CRISPLD1: variants seen among roughly 807,000 people sequenced by gnomAD.
CRISPLD1 encodes cysteine-rich secretory protein LCCL domain-containing 1.
A neutral mutation model predicts 77.5 loss-of-function variants in CRISPLD1; 60 were observed. The ratio of observed to expected loss-of-function variants is 0.77; its 90% CI spans 0.63 to 0.96. The LOEUF (loss-of-function observed/expected upper bound fraction) is 0.96. Ranked by LOEUF, CRISPLD1 falls within the 40% of genes least tolerant of loss-of-function variation. The pLI, the probability that CRISPLD1 is intolerant of heterozygous loss-of-function variation, is 0.00. For synonymous variants in CRISPLD1, 195 were observed against 200.1 expected (o/e 0.97, Z 0.22); for missense variants, 623 against 615.8 (o/e 1.01, Z -0.12).
chr8:75,017,284 T>C, intron 9 of CRISPLD1, 36 bp from the exon 10 acceptor site: 1 of 1,602,242 alleles, frequency 6.2e-7, no homozygotes, highest in Non-Finnish European at 8.5e-7. Flanking sequence ...AACTCTAATA[T>C]TTTTAACATC....
intron 12 of CRISPLD1, 51 bp from the exon 13 acceptor site, chr8:75,025,495 A>G (rs1813215843): frequency 5.5e-6 from 4 of 725,432 alleles, no homozygotes; most frequent in Non-Finnish European, 4.0e-6. Flanking sequence ...AATAAGAAAG[A>G]CTTAAGTAAC....
chr8:75,029,962 G>T (rs1813304464), intron 14 of CRISPLD1, among the ~76,000 whole-genome samples: 1 of 151,996 alleles, frequency 6.6e-6, no homozygotes, highest in Non-Finnish European at 1.5e-5. Flanking sequence ...TTTGAAGTTG[G>T]ATGCCTAGTG....
At chr8:75,016,302 T>C (rs1029831622) in intron 6 of CRISPLD1, among the ~76,000 whole-genome samples, 23 of 152,164 alleles carry the variant, frequency 1.5e-4, no homozygotes, top group Non-Finnish European at 2.4e-4. Flanking sequence ...TATGTTGAAA[T>C]ATAAGCAAAG....
Position 75,025,612 on chromosome 8 carries a change from T to A in CRISPLD1, c.1311T>A (p.Val437=). 6.4e-7 allele frequency: 1 copy of A among 1,562,096 alleles called. No individual in the cohort carries two copies. Among genetic ancestry groups the A allele is most frequent in the Non-Finnish European group, 8.8e-7 (1 of 1,135,132 alleles). ...PHYARVIGTR[V]YSDLSSICRA... ...ATGCTCGTGTAATTGGAACTCGAGT[T>A]TATTCTGATGTAAGTATCCTAATTT... Residue 437 remains valine, a synonymous_variant, in exon 13 of 15, where the codon GTT becomes GTA. Coordinates refer to ENST00000262207, the MANE Select transcript of CRISPLD1 (RefSeq NM_031461.6).
chr8:75,015,813 A>G (rs1243619538), intron 6 of CRISPLD1, among the ~76,000 whole-genome samples: 1 of 151,972 alleles, frequency 6.6e-6, no homozygotes, highest in Non-Finnish European at 1.5e-5. Context: ...TGTTTTTCAT[A>G]TTCTCTGTGT....
intron 12 of CRISPLD1, among the ~76,000 whole-genome samples, chr8:75,024,287 G>A (rs551251112): frequency 1.3e-5 from 2 of 151,890 alleles, no homozygotes; most frequent in East Asian, 3.9e-4. Flanking sequence ...AATATTTGGA[G>A]CAGAGGAATG....
chr8:75,013,952 C>G, intron 4 of CRISPLD1, 35 bp from the exon 5 acceptor site: 1 of 1,404,554 alleles, frequency 7.1e-7, no homozygotes, highest in South Asian at 1.2e-5. Flanking sequence ...TCATTTCAGC[C>G]TGCTTTTTCT....
chr8:74,988,188 C>T lies in CRISPLD1; in HGVS notation c.258+1943C>T, dbSNP rs949700260. On this transcript the variant is annotated intron_variant, in intron 2 of 14. Coordinates refer to ENST00000262207, the MANE Select transcript of CRISPLD1 (RefSeq NM_031461.6). ...AATACTATTTTATTTGAAATACTGT[C>T]GAGTTAGGCATTTTAAAACAATGTA... 4.6e-5 allele frequency among the ~76,000 whole-genome samples: 7 copies of T among 152,050 alleles called. 1 individual carries two copies. The highest frequency in any genetic ancestry group is 1.0e-4 in the Non-Finnish European group (7 of 68,004).
At chr8:75,017,971 T>G (rs1431261613) in intron 10 of CRISPLD1, among the ~76,000 whole-genome samples, 2 of 152,202 alleles carry the variant, frequency 1.3e-5, no homozygotes, top group South Asian at 2.1e-4. Context: ...TTTCTCCTAT[T>G]AGGTGTACCA....
At chr8:74,997,616 G>T (rs948696555) in intron 2 of CRISPLD1, among the ~76,000 whole-genome samples, 1 of 152,140 alleles carries the variant, frequency 6.6e-6, no homozygotes, top group African/African-American at 2.4e-5. Flanking sequence ...TTATAGACAA[G>T]GGTTGAATGC....
chr8:74,994,364 TC>T (rs1812617083), intron 2 of CRISPLD1, among the ~76,000 whole-genome samples: 2 of 152,260 alleles, frequency 1.3e-5, no homozygotes, highest in South Asian at 2.1e-4. Context: ...GGCTGGGATT[TC>T]CTGCATTTGA....
At chr8:74,998,138 A>G (rs1812673374) in intron 2 of CRISPLD1, among the ~76,000 whole-genome samples, 1 of 152,186 alleles carries the variant, frequency 6.6e-6, no homozygotes. Flanking sequence ...GGTTGTTCGT[A>G]TAGAAGCAGG....
intron 2 of CRISPLD1, among the ~76,000 whole-genome samples, chr8:74,988,917 A>G (rs553241239): frequency 4.6e-5 from 7 of 152,336 alleles, no homozygotes; most frequent in African/African-American, 1.7e-4. Flanking sequence ...AAATAGACTC[A>G]TTTGAAAATT....
rs149361480 is a variant in CRISPLD1 at position 75,029,429 on chromosome 8, C to T, written c.1363C>T (p.Arg455Ter). 7.4e-6 allele frequency: 12 copies of T among 1,613,264 alleles called. 1 individual carries two copies. The highest frequency in any genetic ancestry group is 9.3e-6 in the Non-Finnish European group (11 of 1,179,652). The change falls in exon 14 of 15, where the codon CGA becomes TGA. Residue 455 changes from arginine to a stop codon, truncating the protein, a stop_gained. Coordinates refer to ENST00000262207, the MANE Select transcript of CRISPLD1 (RefSeq NM_031461.6). LOFTEE classifies it high-confidence loss of function. ...AGCAGCAGTACATGCTGGAGTGGTTCGAAATCACGGTGGTTATGTTGATGT... is the reference window on the plus strand; with the variant it reads ...AGCAGCAGTACATGCTGGAGTGGTTTGAAATCACGGTGGTTATGTTGATGT... ...CRAAVHAGVV[R>*]NHGGYVDVMP...
intron 2 of CRISPLD1, among the ~76,000 whole-genome samples, chr8:74,990,229 T>A (rs1317873046): frequency 1.3e-5 from 2 of 151,384 alleles, no homozygotes; most frequent in East Asian, 3.9e-4. Flanking sequence ...ACAGACTTCA[T>A]CACTACACAA....
intron 4 of CRISPLD1, 80 bp downstream of exon 4, chr8:75,013,102 T>C (rs1812963463): frequency 2.4e-6 from 3 of 1,225,584 alleles, no homozygotes; most frequent in Non-Finnish European, 3.2e-6. Context: ...AGTGAACTTG[T>C]CTTTCTTATT....
intron 12 of CRISPLD1, among the ~76,000 whole-genome samples, chr8:75,022,603 AAAG>A (rs1220385305): frequency 6.6e-6 from 1 of 151,664 alleles, no homozygotes; most frequent in Non-Finnish European, 1.5e-5. Flanking sequence ...AAAAAAAAAA[AAAG>A]AAAAAAAATT....
chr8:75,000,470 T>C (rs1812721502), intron 2 of CRISPLD1: 9 of 967,382 alleles, frequency 9.3e-6, no homozygotes, highest in Non-Finnish European at 1.1e-5. Flanking sequence ...TACCATGTTA[T>C]TCCGTATGCC....
intron 2 of CRISPLD1, among the ~76,000 whole-genome samples, chr8:74,992,053 A>G (rs1439996437): frequency 6.6e-6 from 1 of 152,190 alleles, no homozygotes; most frequent in Non-Finnish European, 1.5e-5. Context: ...AGCTTGGTGA[A>G]TAGAAGGGCT....
Sources: allele counts gnomAD v4.1 joint callset (sites outside exome capture counted in the v4.1 genomes callset), GRCh38; gene constraint gnomAD v4.1.1; transcripts MANE v1.5; gene names NCBI Gene and HGNC (gene_info 2026-07-23, HGNC 2026-07-21).